The following CAMKMT variants were observed in gnomAD, a reference collection of about 807,000 sequenced individuals.
The protein encoded by CAMKMT is CaM KMT.
In CAMKMT, 53 loss-of-function variants were observed where a neutral mutation model predicts 48.0. The ratio of observed to expected loss-of-function variants is 1.10; its 90% CI spans 0.89 to 1.39. CAMKMT has a LOEUF of 1.39. CAMKMT is among the 40% of genes most tolerant of loss of function. The probability of loss-of-function intolerance (pLI) is 0.00; values close to 1 mark genes in which losing one functional copy is unlikely to be tolerated. For synonymous variants in CAMKMT, 165 were observed against 152.3 expected, an observed-to-expected ratio of 1.08 and a Z score of -0.61; for missense variants, 428 against 402.7, an observed-to-expected ratio of 1.06 and a Z score of -0.54.
rs1553386995 is a variant in CAMKMT, at chr2:44,429,279, G to GTGTGTGTGTGTGTGTGTGTGTGTGTA, written c.376+38999_376+39000insATGTGTGTGTGTGTGTGTGTGTGTGT. Among the ~76,000 whole-genome samples the GTGTGTGTGTGTGTGTGTGTGTGTGTA allele has an allele frequency of 3.8e-4, 7 of 18,454 alleles. No individual in the cohort carries two copies. In the East Asian group the frequency reaches 0.027, roughly 70 times the overall value. The allele number at this position is 18,454 out of a possible 152,430, so 12.1% of individuals were successfully genotyped here. On this transcript the variant is annotated intron_variant, in intron 3 of 10. Transcript: ENST00000378494. The stretch of plus-strand genomic sequence containing the variant: ...TATATATGTGTGTGTGTGTGTGTAT[G>GTGTGTGTGTGTGTGTGTGTGTGTGTA]TGTGTGTGTGTGTGTGTGTGTGTGT...
intron 3 of CAMKMT, among the ~76,000 whole-genome samples, chr2:44,690,389 A>G (rs1023097998): frequency 1.6e-4 from 24 of 152,204 alleles, no homozygotes; most frequent in African/African-American, 5.8e-4. Context: ...TGACAGAGCT[A>G]TGAGAACTAG....
intron 3 of CAMKMT, among the ~76,000 whole-genome samples, chr2:44,453,634 G>A (rs993563221): frequency 3.9e-5 from 6 of 152,046 alleles, no homozygotes; most frequent in Non-Finnish European, 5.9e-5. Flanking sequence ...AAGCAAATTT[G>A]TATCATGTAG....
chr2:44,395,112 T>C, intron 3 of CAMKMT: 1 of 378,182 alleles, frequency 2.6e-6, no homozygotes, highest in Non-Finnish European at 5.2e-6. Flanking sequence ...GGAAATATGG[T>C]CTAAATTTTT....
intron 3 of CAMKMT, among the ~76,000 whole-genome samples, chr2:44,423,157 A>T (rs865831281): frequency 2.7e-5 from 4 of 146,792 alleles, no homozygotes; most frequent in Non-Finnish European, 6.1e-5. Flanking sequence ...ACAGATTCAG[A>T]CATCAGGACT....
At chr2:44,511,721 A>T (rs1191706484) in intron 3 of CAMKMT, among the ~76,000 whole-genome samples, 1 of 152,188 alleles carries the variant, frequency 6.6e-6, no homozygotes. Flanking sequence ...TCCTAAAACC[A>T]TCTGGGGCTC....
At chr2:44,437,838 CAAA>C (rs370663723) in intron 3 of CAMKMT, among the ~76,000 whole-genome samples, 1 of 120,498 alleles carries the variant, frequency 8.3e-6, no homozygotes, top group Admixed American at 9.1e-5. Flanking sequence ...GACTCTGCTA[CAAA>C]AAAAAAAAAA....
intron 3 of CAMKMT, among the ~76,000 whole-genome samples, chr2:44,444,307 G>A (rs531938781): frequency 1.5e-4 from 23 of 152,208 alleles, no homozygotes; most frequent in Middle Eastern, 3.4e-3. Flanking sequence ...TAGAATTGTC[G>A]GATATGTGAA....
At chr2:44,437,422 G>C (rs932694182) in intron 3 of CAMKMT, among the ~76,000 whole-genome samples, 3 of 151,602 alleles carry the variant, frequency 2.0e-5, no homozygotes, top group African/African-American at 7.3e-5. Flanking sequence ...TTGGGGAATA[G>C]GGGATGGCAA....
rs1402019113 is a variant in CAMKMT, at chr2:44,476,131, G to A, written c.376+85826G>A. 5.3e-5 allele frequency among the ~76,000 whole-genome samples: 8 copies of A among 152,140 alleles called. No homozygotes were observed. The East Asian group carries it at 1.5e-3, about 29-fold the overall frequency. ...TAAAATGCCTTTTGTCCTCAGGGTA[G>A]CACTGTAGTTCTTCGGTGCTTGAGT... On this transcript the variant is annotated intron_variant, in intron 3 of 10. Coordinates refer to ENST00000378494, the MANE Select transcript of CAMKMT (RefSeq NM_024766.5).
chr2:44,489,197 T>G (rs1220402634), intron 3 of CAMKMT, among the ~76,000 whole-genome samples: 1 of 151,928 alleles, frequency 6.6e-6, no homozygotes, highest in Non-Finnish European at 1.5e-5. Context: ...TTTAAAATTC[T>G]TCCTCTAGTC....
chr2:44,724,359 G>A lies in CAMKMT; in HGVS notation c.623+9006G>A, dbSNP rs146798200. Among the ~76,000 whole-genome samples the A allele has an allele frequency of 5.0e-3, 756 of 152,264 alleles. 7 individuals carry two copies. Among genetic ancestry groups the A allele is most frequent in the African/African-American group, 0.017 (709 of 41,542 alleles). ...TCTTCTGAAACGAGATTTTCAAAGT[G>A]GTTCATGACCCATCATCACCTGTAG... On this transcript the variant is annotated intron_variant, in intron 7 of 10. Coordinates refer to ENST00000378494, the MANE Select transcript of CAMKMT (RefSeq NM_024766.5).
At chr2:44,467,126 T>C (rs1668157773) in intron 3 of CAMKMT, among the ~76,000 whole-genome samples, 1 of 151,972 alleles carries the variant, frequency 6.6e-6, no homozygotes, top group Admixed American at 6.6e-5. Context: ...TGGTGGCACA[T>C]AGCTGCAGTC....
At chr2:44,479,981 A>G (rs1229030186) in intron 3 of CAMKMT, among the ~76,000 whole-genome samples, 2 of 152,120 alleles carry the variant, frequency 1.3e-5, no homozygotes, top group East Asian at 3.9e-4. Flanking sequence ...AATTACAAGA[A>G]TCATCCATTG....
intron 3 of CAMKMT, among the ~76,000 whole-genome samples, chr2:44,467,554 A>AC (rs1359218720): frequency 6.6e-6 from 1 of 152,022 alleles, no homozygotes; most frequent in African/African-American, 2.4e-5. Context: ...AAAAAAACAA[A>AC]AAAAAACAAA....
intron 10 of CAMKMT, among the ~76,000 whole-genome samples, chr2:44,769,386 A>T (rs997946667): frequency 1.3e-5 from 2 of 152,192 alleles, no homozygotes; most frequent in Non-Finnish European, 2.9e-5. Flanking sequence ...AGCATGTTTT[A>T]AAAATATTGC....
At chr2:44,442,428 A>C (rs939394423) in intron 3 of CAMKMT, among the ~76,000 whole-genome samples, 1 of 152,140 alleles carries the variant, frequency 6.6e-6, no homozygotes, top group Non-Finnish European at 1.5e-5. Flanking sequence ...TGTTAGTCTA[A>C]TGCCAAGGTT....
chr2:44,410,580 A>C (rs1177821317), intron 3 of CAMKMT, among the ~76,000 whole-genome samples: 1 of 152,052 alleles, frequency 6.6e-6, no homozygotes, highest in African/African-American at 2.4e-5. Context: ...TGAAATTCCA[A>C]ATCTATTGAA....
At chr2:44,394,817 A>T (rs1347260048) in intron 3 of CAMKMT, 1 of 453,722 alleles carries the variant, frequency 2.2e-6, no homozygotes. Context: ...ATGTATCTAA[A>T]ACTGATCTCT....
intron 8 of CAMKMT, among the ~76,000 whole-genome samples, chr2:44,748,975 T>C (rs1042667356): frequency 6.6e-6 from 1 of 152,238 alleles, no homozygotes; most frequent in Non-Finnish European, 1.5e-5. Flanking sequence ...AATGGCAAGT[T>C]TGTGTAGCAC....
Sources: allele counts gnomAD v4.1 joint callset (sites outside exome capture counted in the v4.1 genomes callset), GRCh38; gene constraint gnomAD v4.1.1; transcripts MANE v1.5; gene names NCBI Gene and HGNC (gene_info 2026-07-23, HGNC 2026-07-21).